Variants in P2RY8 observed in about 807,000 individuals in gnomAD.
The protein encoded by P2RY8 is P2Y receptor family member 8, also known as S-geranylgeranyl-glutathione receptor P2RY8.
P2RY8 carries 6 observed loss-of-function variants against 10.0 expected under a neutral mutation model. The observed-to-expected ratio is 0.60, with a 90% CI of 0.33 to 1.19. The LOEUF (loss-of-function observed/expected upper bound fraction) is 1.19, where lower values mean the gene tolerates loss of function less well. P2RY8 is among the 50% of genes most tolerant of loss of function. The probability of loss-of-function intolerance (pLI) is 0.04; values close to 1 mark genes in which losing one functional copy is unlikely to be tolerated. For missense variants in P2RY8, 456 were observed against 542.0 expected, an observed-to-expected ratio of 0.84 and a Z score of 1.58; for synonymous variants, 276 against 252.5, an observed-to-expected ratio of 1.09 and a Z score of -0.88.
rs766006134 is a variant in P2RY8, at chrX:1,466,411, G to A, written c.148C>T (p.Arg50Trp). 39 of 1,613,306 alleles carry A rather than the reference G, an allele frequency of 2.4e-5. No individual in the cohort carries two copies. Among genetic ancestry groups the A allele is most frequent in the Non-Finnish European group, 3.1e-5 (36 of 1,179,864 alleles). ...GACGGGGATCTGGGCCCCATGCGCC[G>A]GCACAGCACCCACAGAGAGAAGAGG... is the stretch of plus-strand genomic sequence containing the variant. Reference protein sequence around the residue: ...GNLFSLWVLCRRMGPRSPSVI... With the variant: ...GNLFSLWVLCWRMGPRSPSVI... The change falls in exon 2 of 2, where the codon CGG becomes TGG. Residue 50 changes from arginine to tryptophan, a missense_variant. Transcript: ENST00000381297.
intron 1 of P2RY8, among the ~76,000 whole-genome samples, chrX:1,468,659 G>A (rs1399653351): frequency 1.3e-5 from 2 of 151,668 alleles, no homozygotes; most frequent in African/African-American, 2.4e-5. Flanking sequence ...AAATTTCTGG[G>A]CACTGAATTG....
rs138933850 is a variant in P2RY8, at chrX:1,464,964, C to T, written c.*515G>A. The T allele has an allele frequency of 3.5e-3, 844 of 240,586 alleles. 10 individuals carry two copies. The highest frequency in any genetic ancestry group is 0.017 in the African/African-American group (766 of 45,540). 14.9% of individuals were successfully genotyped at this position (240,586 alleles called of 1,614,324 possible). ...AACCCCTGGAGGAGAATGGAGAAGG[C>T]CAGAACCACAACTAAGGGACGATGT... On this transcript the variant is annotated 3_prime_UTR_variant, in exon 2 of 2. Transcript: ENST00000381297.
chrX:1,466,359 A>G lies in P2RY8; in HGVS notation c.200T>C (p.Val67Ala). 1 of 1,613,792 alleles carries G rather than the reference A, an allele frequency of 6.2e-7. No individual in the cohort carries two copies. Among genetic ancestry groups the G allele is most frequent in the Non-Finnish European group, 8.5e-7 (1 of 1,179,842 alleles). Reference sequence around the variant, plus strand: ...CACGCTGGCCAGCATCAGGTCCGTGACGCTCAGGTTGATCATGAAGATGAC... The same window carrying G: ...CACGCTGGCCAGCATCAGGTCCGTGGCGCTCAGGTTGATCATGAAGATGAC... ...PSVIFMINLS[V>A]TDLMLASVLP... The change falls in exon 2 of 2, where the codon GTC becomes GCC. Residue 67 changes from valine to alanine, a missense_variant. Val to Ala is a moderately conservative substitution (Grantham distance 64, BLOSUM62 0). Transcript: ENST00000381297.
chrX:1,463,923 C>G lies in P2RY8; in HGVS notation c.*1556G>C, dbSNP rs112006672. On this transcript the variant is annotated 3_prime_UTR_variant, in exon 2 of 2. Coordinates refer to ENST00000381297, the MANE Select transcript of P2RY8 (RefSeq NM_178129.5). The stretch of plus-strand genomic sequence containing the variant: ...TTACTTAATTACATTTGGAAAGACC[C>G]GATTTTCAAACATGGTCCCATCCTG... The G allele has an allele frequency of 1.3e-5, 3 of 233,130 alleles. No homozygotes were observed. The highest frequency in any genetic ancestry group is 1.1e-4 in the Admixed American group (2 of 17,778). 14.4% of individuals were successfully genotyped at this position (233,130 alleles called of 1,614,324 possible). A position where few individuals can be genotyped will look rare whatever the true frequency, so the allele number is the denominator to read the frequency against.
At chrX:1,488,109 T>TAAA (rs1299833147) in intron 1 of P2RY8, among the ~76,000 whole-genome samples, 7 of 131,248 alleles carry the variant, frequency 5.3e-5, no homozygotes, top group African/African-American at 1.6e-4. Context: ...AAACTCTGTC[T>TAAA]AAAAAAAAAA....
chrX:1,535,168 C>G (rs1260002243), intron 1 of P2RY8, among the ~76,000 whole-genome samples: 1 of 141,710 alleles, frequency 7.1e-6, no homozygotes, highest in Non-Finnish European at 1.5e-5. Context: ...ACTGCTTTTC[C>G]AATGTGGGAT....
chrX:1,488,025 G>A (rs1369451142), intron 1 of P2RY8, among the ~76,000 whole-genome samples: 1 of 151,992 alleles, frequency 6.6e-6, no homozygotes, highest in African/African-American at 2.4e-5. Context: ...CATGAGAATC[G>A]CTTGAACCTG....
intron 1 of P2RY8, among the ~76,000 whole-genome samples, chrX:1,518,755 G>A (rs1313407306): frequency 1.3e-5 from 2 of 151,614 alleles, no homozygotes; most frequent in African/African-American, 4.9e-5. Flanking sequence ...TATTCTCTGT[G>A]GTTCACAATA....
At position 1,484,746 on chromosome X, in the gene P2RY8, AAAG is replaced by A. The variant is rs1291013790; in HGVS notation, c.-24-18167_-24-18165del. Among the ~76,000 whole-genome samples the A allele has an allele frequency of 5.8e-3, 641 of 110,310 alleles. 20 individuals are homozygous for A. The highest frequency in any genetic ancestry group is 0.014 in the East Asian group (44 of 3,052). The allele number at this position is 110,310 out of a possible 152,430, so 72.4% of individuals were successfully genotyped here. A position where few individuals can be genotyped will look rare whatever the true frequency, so the allele number is the denominator to read the frequency against. ...CTGTAAAAAAAAAAAAAAAAAAAAA[AAAG>A]AAGAAGAAGAAGAAGAAGCGGCAGC... On this transcript the variant is annotated intron_variant, in intron 1 of 1. Transcript: ENST00000381297.
At chrX:1,509,170 T>C (rs1364182379) in intron 1 of P2RY8, among the ~76,000 whole-genome samples, 4 of 145,254 alleles carry the variant, frequency 2.8e-5, no homozygotes, top group African/African-American at 1.0e-4. Context: ...ATTCTATCTA[T>C]CTATCTATCT....
At chrX:1,478,221 T>C (rs2091896842) in intron 1 of P2RY8, among the ~76,000 whole-genome samples, 1 of 140,348 alleles carries the variant, frequency 7.1e-6, no homozygotes, top group Admixed American at 7.2e-5. Flanking sequence ...CCAATGCTTT[T>C]AAAATGAAAA....
chrX:1,525,621 A>C (rs182995709), intron 1 of P2RY8, among the ~76,000 whole-genome samples: 128 of 152,318 alleles, frequency 8.4e-4, no homozygotes, highest in African/African-American at 3.0e-3. Context: ...TCAATCATGC[A>C]TCCATCCATT....
chrX:1,521,266 T>TC (rs2149409519), intron 1 of P2RY8, among the ~76,000 whole-genome samples: 1 of 152,200 alleles, frequency 6.6e-6, no homozygotes, highest in East Asian at 1.9e-4. Flanking sequence ...CAGGATGGTC[T>TC]CCATCTCCTG....
chrX:1,503,532 G>A (rs1386477219), intron 1 of P2RY8, among the ~76,000 whole-genome samples: 4 of 152,180 alleles, frequency 2.6e-5, no homozygotes, highest in Non-Finnish European at 5.9e-5. Flanking sequence ...AGGCCAGGGC[G>A]AGCAGATCAC....
intron 1 of P2RY8, among the ~76,000 whole-genome samples, chrX:1,508,701 C>T (rs866945045): frequency 1.0e-3 from 88 of 85,876 alleles, no homozygotes; most frequent in Middle Eastern, 6.8e-3. Context: ...ATCCATCCAT[C>T]CATTCTATCT....
Position 1,463,579 on chromosome X carries a change from T to G in P2RY8, c.*1900A>C, listed in dbSNP as rs1298652415. 4.3e-6 allele frequency: 1 copy of G among 232,946 alleles called. No individual in the cohort carries two copies. The highest frequency in any genetic ancestry group is 6.0e-5 in the East Asian group (1 of 16,584). 14.4% of individuals were successfully genotyped at this position (232,946 alleles called of 1,614,324 possible). ...TCTCATCTTCATATCCTTAAGTAAT[T>G]ACACATGCAAAGTTCCTTATTACCG... On this transcript the variant is annotated 3_prime_UTR_variant, in exon 2 of 2. Transcript: ENST00000381297.
chrX:1,511,351 C>T (rs1390509508), intron 1 of P2RY8, among the ~76,000 whole-genome samples: 1 of 152,184 alleles, frequency 6.6e-6, no homozygotes, highest in Non-Finnish European at 1.5e-5. Flanking sequence ...CATAGCTCCT[C>T]CTGTAACCTG....
chrX:1,515,361 A>G (rs2092338177), intron 1 of P2RY8, among the ~76,000 whole-genome samples: 1 of 148,662 alleles, frequency 6.7e-6, no homozygotes, highest in African/African-American at 2.5e-5. Flanking sequence ...CTATTTTAGG[A>G]TATTTTCTTT....
At chrX:1,500,079 C>T (rs1336977725) in intron 1 of P2RY8, among the ~76,000 whole-genome samples, 63 of 148,122 alleles carry the variant, frequency 4.3e-4, no homozygotes, top group African/African-American at 1.5e-3. Flanking sequence ...AGGATGGTCT[C>T]GATCTCCTGA....
Sources: gnomAD v4.1 joint callset for allele counts (sites outside exome capture counted in the v4.1 genomes callset) on GRCh38, gnomAD v4.1.1 for gene constraint, MANE v1.5 for transcripts, NCBI Gene and HGNC (gene_info 2026-07-23, HGNC 2026-07-21) for gene names.